MIPEP: variants seen among roughly 807,000 people sequenced by gnomAD.
MIPEP encodes mitochondrial intermediate peptidase.
A neutral mutation model predicts 90.3 loss-of-function variants in MIPEP; 79 were observed. That is an observed-to-expected ratio of 0.87 (90% CI 0.73 to 1.05). The LOEUF (loss-of-function observed/expected upper bound fraction) is 1.05, where lower values mean the gene tolerates loss of function less well. Ranked by LOEUF, MIPEP falls within the 50% of genes least tolerant of loss-of-function variation. MIPEP has a pLI of 0.00. For missense variants in MIPEP, 940 were observed against 905.6 expected (o/e 1.04, Z -0.49); for synonymous variants, 334 against 315.8 (o/e 1.06, Z -0.61).
chr13:23,779,574 T>G (rs1565991296), intron 16 of MIPEP, among the ~76,000 whole-genome samples: 1 of 151,988 alleles, frequency 6.6e-6, no homozygotes, highest in South Asian at 2.1e-4. Flanking sequence ...ACTGAGGTAC[T>G]AGGATCATCT....
chr13:23,730,514 A>G (rs1952193771), intron 18 of MIPEP, 69 bp from the exon 19 acceptor site: 2 of 963,060 alleles, frequency 2.1e-6, no homozygotes, highest in African/African-American at 3.3e-5. Flanking sequence ...ACACAAAATC[A>G]AATCCACACA....
rs1952189788 is a variant in MIPEP, at chr13:23,730,227, TAA to T, written c.*119_*120del. ...TTATTTATTCCAAGTTCTACCAGTT[TAA>T]AGTTTTTCAGAATTACAGAAGCGAA... On this transcript the variant is annotated 3_prime_UTR_variant, in exon 19 of 19. Transcript: ENST00000382172. 3.0e-6 allele frequency: 2 copies of T among 667,660 alleles called. No homozygotes were observed. Among genetic ancestry groups the T allele is most frequent in the Non-Finnish European group, 5.2e-6 (2 of 384,216 alleles). 41.4% of individuals were successfully genotyped at this position (667,660 alleles called of 1,614,324 possible). A position where few individuals can be genotyped will look rare whatever the true frequency, so the allele number is the denominator to read the frequency against.
intron 8 of MIPEP, among the ~76,000 whole-genome samples, chr13:23,863,930 T>A (rs1020254396): frequency 1.3e-5 from 2 of 152,186 alleles, no homozygotes; most frequent in Admixed American, 1.3e-4. Flanking sequence ...AAACAATTGT[T>A]TAATGAAAGG....
chr13:23,869,653 T>C (rs1373798829), intron 6 of MIPEP, among the ~76,000 whole-genome samples: 3 of 152,224 alleles, frequency 2.0e-5, no homozygotes, highest in Non-Finnish European at 2.9e-5. Context: ...TCTAGGGTAC[T>C]GTTCTGAGGT....
In MIPEP at chr13:23,752,785, G is replaced by A. The variant is rs561574198; in HGVS notation, c.2044+3760C>T. Among the ~76,000 whole-genome samples, 6 of 152,252 alleles carry A rather than the reference G, an allele frequency of 3.9e-5. 1 individual carries two copies. In the South Asian group the frequency reaches 1.2e-3, roughly 32 times the overall value. ...TTAGTGGAGGATTAAGTGACTGAAT[G>A]TCATGCCTATAATATATATATTTAT... On this transcript the variant is annotated intron_variant, in intron 18 of 18. Coordinates refer to ENST00000382172, the MANE Select transcript of MIPEP (RefSeq NM_005932.4).
intron 16 of MIPEP, among the ~76,000 whole-genome samples, chr13:23,791,993 C>A (rs1454298932): frequency 6.6e-6 from 1 of 152,228 alleles, no homozygotes; most frequent in Non-Finnish European, 1.5e-5. Flanking sequence ...ATCACTCACT[C>A]ACTCTGCCTT....
At chr13:23,769,163 G>T (rs750481116) in intron 16 of MIPEP, among the ~76,000 whole-genome samples, 1 of 152,178 alleles carries the variant, frequency 6.6e-6, no homozygotes, top group Non-Finnish European at 1.5e-5. Context: ...CATTGGGAAA[G>T]TGTCAGAGAA....
At chr13:23,809,141 T>C (rs1304170429) in intron 15 of MIPEP, among the ~76,000 whole-genome samples, 1 of 152,224 alleles carries the variant, frequency 6.6e-6, no homozygotes. Flanking sequence ...CCTGGGAAGT[T>C]GGTTTTGAAT....
In MIPEP at chr13:23,886,336, G is replaced by C. The variant is rs1474554480; in HGVS notation, c.360C>G (p.Asp120Glu). ...ELSDSLCRVA[D>E]LADFVKIAHP... ...AGTCTGAGGTAAAGCACCTTACCAAGTCGGCCACTCTGCATAAGGAATCCG... is the reference window on the plus strand; with the variant it reads ...AGTCTGAGGTAAAGCACCTTACCAACTCGGCCACTCTGCATAAGGAATCCG... Residue 120 changes from aspartate (D) to glutamate (E), a missense_variant, in exon 2 of 19, where the codon GAC (aspartate) becomes GAG (glutamate). Asp to Glu is a conservative substitution (Grantham distance 45). Coordinates refer to ENST00000382172, the MANE Select transcript of MIPEP (RefSeq NM_005932.4). The C allele has an allele frequency of 2.0e-6, 3 of 1,530,598 alleles. No individual in the cohort carries two copies. The highest frequency in any genetic ancestry group is 2.6e-6 in the Non-Finnish European group (3 of 1,138,236). The allele number at this position is 1,530,598 out of a possible 1,614,324, so 94.8% of individuals were successfully genotyped here.
intron 14 of MIPEP, among the ~76,000 whole-genome samples, chr13:23,810,453 CTTAGT>C (rs1365354863): frequency 2.6e-5 from 4 of 152,192 alleles, no homozygotes; most frequent in Non-Finnish European, 5.9e-5. Context: ...AGCTTGGACA[CTTAGT>C]TTAATGTCCC....
At chr13:23,863,227 C>A (rs1870388390) in intron 8 of MIPEP, among the ~76,000 whole-genome samples, 1 of 152,160 alleles carries the variant, frequency 6.6e-6, no homozygotes, top group South Asian at 2.1e-4. Flanking sequence ...TTCCTAGAAT[C>A]CTTAGTACCT....
rs939275742 is a variant in MIPEP at position 23,747,960 on chromosome 13, C to T, written c.2044+8585G>A. Among the ~76,000 whole-genome samples, 5 of 152,142 alleles carry T rather than the reference C, an allele frequency of 3.3e-5. 1 individual carries two copies. The highest frequency in any genetic ancestry group is 2.6e-4 in the Admixed American group (4 of 15,264). On this transcript the variant is annotated intron_variant, in intron 18 of 18. Coordinates refer to ENST00000382172, the MANE Select transcript of MIPEP (RefSeq NM_005932.4). ...TTCACTATGTTGGCCAGGCTGGTCT[C>T]GAACTCCTGACCTTGTGATCAGCCC...
Position 23,889,241 on chromosome 13 carries a change from A to G in MIPEP, c.80T>C (p.Leu27Pro), listed in dbSNP as rs1422584015. The G allele has an allele frequency of 7.1e-6, 10 of 1,401,444 alleles. No homozygotes were observed. The African/African-American group carries it at 1.1e-4, about 15-fold the overall frequency. 86.8% of individuals were successfully genotyped at this position (1,401,444 alleles called of 1,614,324 possible). ...LPPRRAGRGSLEAGIRARRVS... is the reference protein window; with the variant it reads ...LPPRRAGRGSPEAGIRARRVS... ...CCTTCGGGCCCGGATCCCGGCTTCG[A>G]GGCTTCCCCGGCCCGCCCGGCGGGG... Residue 27 changes from leucine (L) to proline (P), a missense_variant, in exon 1 of 19, where the codon CTC becomes CCC. Leu to Pro is a moderately conservative substitution (Grantham distance 98). Transcript: ENST00000382172.
At chr13:23,869,182 G>C (rs368483918) in intron 7 of MIPEP, 110 bp downstream of exon 7, 5 of 937,060 alleles carry the variant, frequency 5.3e-6, no homozygotes, top group Non-Finnish European at 7.6e-6. Flanking sequence ...TCAATAAATG[G>C]TTCTCTACAT....
intron 14 of MIPEP, among the ~76,000 whole-genome samples, chr13:23,825,303 C>T (rs911613465): frequency 3.3e-5 from 5 of 152,188 alleles, no homozygotes; most frequent in African/African-American, 1.2e-4. Flanking sequence ...ATGCTAGTTG[C>T]ACTGTCATGT....
chr13:23,860,212 G>A (rs575559922), intron 9 of MIPEP, among the ~76,000 whole-genome samples: 2 of 152,332 alleles, frequency 1.3e-5, no homozygotes, highest in East Asian at 3.9e-4. Flanking sequence ...ACAGCGGAAG[G>A]TTAGGAAATG....
chr13:23,737,402 A>G (rs1952277779), intron 18 of MIPEP, among the ~76,000 whole-genome samples: 1 of 152,066 alleles, frequency 6.6e-6, no homozygotes, highest in Non-Finnish European at 1.5e-5. Context: ...AAAGTGCCCA[A>G]GAGTTCTGTG....
intron 14 of MIPEP, among the ~76,000 whole-genome samples, chr13:23,810,376 C>T (rs892469564): frequency 1.3e-5 from 2 of 152,210 alleles, no homozygotes; most frequent in African/African-American, 2.4e-5. Flanking sequence ...GCTAAACTGA[C>T]ATCCTAACAA....
intron 11 of MIPEP, 105 bp downstream of exon 11, chr13:23,841,230 C>T (rs1869280481): frequency 1.0e-6 from 1 of 964,264 alleles, no homozygotes; most frequent in East Asian, 2.6e-5. Flanking sequence ...GCAGGGGACA[C>T]ACTCAGTCAG....
Sources: gnomAD v4.1 joint callset for allele counts (sites outside exome capture counted in the v4.1 genomes callset) on GRCh38, gnomAD v4.1.1 for gene constraint, MANE v1.5 for transcripts, NCBI Gene and HGNC (gene_info 2026-07-23, HGNC 2026-07-21) for gene names.